IL1RAPL2: variants seen among roughly 807,000 people sequenced by gnomAD.
The protein encoded by IL1RAPL2 is X-linked interleukin-1 receptor accessory protein-like 2.
IL1RAPL2 carries 3 observed loss-of-function variants against 44.1 expected under a neutral mutation model. The ratio of observed to expected loss-of-function variants is 0.07; its 90% CI spans 0.03 to 0.18. IL1RAPL2 has a LOEUF of 0.18. Among genes scored for constraint, IL1RAPL2 ranks in the 10% least tolerant of loss-of-function variants. The pLI is 1.00. For synonymous variants in IL1RAPL2, 181 were observed against 178.8 expected (o/e 1.01, Z -0.10); for missense variants, 391 against 496.4 (o/e 0.79, Z 2.02).
chrX:104,632,108 C>T (rs1331015902), intron 1 of IL1RAPL2, among the ~76,000 whole-genome samples: 1 of 111,597 alleles, frequency 9.0e-6, no homozygotes, highest in Non-Finnish European at 1.9e-5. Flanking sequence ...GATTGTTTCC[C>T]CATTTCTTGT....
At chrX:104,996,225 G>A (rs1432201572) in intron 2 of IL1RAPL2, among the ~76,000 whole-genome samples, 2 of 111,807 alleles carry the variant, frequency 1.8e-5, no homozygotes, top group African/African-American at 6.5e-5. Context: ...CAGCAAACAT[G>A]TAATGAAGTC....
At chrX:104,805,122 G>A (rs1004003226) in intron 2 of IL1RAPL2, among the ~76,000 whole-genome samples, 1 of 111,507 alleles carries the variant, frequency 9.0e-6, no homozygotes, top group Admixed American at 9.5e-5. Flanking sequence ...TACAGTCATT[G>A]CCTATTCAGT....
intron 1 of IL1RAPL2, among the ~76,000 whole-genome samples, chrX:104,588,548 T>G (rs1013566786): frequency 2.7e-5 from 3 of 111,578 alleles, no homozygotes; most frequent in African/African-American, 9.8e-5. Context: ...TAAGTGTTGT[T>G]TACTCTCAGA....
chrX:105,759,787 C>T (rs2038671681), intron 10 of IL1RAPL2, among the ~76,000 whole-genome samples: 1 of 112,064 alleles, frequency 8.9e-6, no homozygotes, highest in Non-Finnish European at 1.9e-5. Context: ...CATCTGGTGT[C>T]AGATGATCCC....
intron 2 of IL1RAPL2, among the ~76,000 whole-genome samples, chrX:104,689,038 A>C (rs1931041697): frequency 8.9e-6 from 1 of 111,803 alleles, no homozygotes; most frequent in African/African-American, 3.3e-5. Context: ...AAGTTGGTCC[A>C]GAGACCCTGA....
At chrX:104,856,159 C>T (rs778771538) in intron 2 of IL1RAPL2, among the ~76,000 whole-genome samples, 6 of 111,731 alleles carry the variant, frequency 5.4e-5, no homozygotes, top group Non-Finnish European at 7.5e-5. Flanking sequence ...ATCATTCACA[C>T]GATTTTGGAA....
intron 2 of IL1RAPL2, among the ~76,000 whole-genome samples, chrX:105,158,225 C>T (rs868084049): frequency 1.0e-5 from 1 of 95,839 alleles, no homozygotes; most frequent in South Asian, 4.8e-4. Context: ...GGGTGTGGTG[C>T]GGGCGCCTGT....
chrX:105,566,474 C>T (rs1361236470), intron 6 of IL1RAPL2, among the ~76,000 whole-genome samples: 1 of 111,372 alleles, frequency 9.0e-6, no homozygotes, highest in Non-Finnish European at 1.9e-5. Flanking sequence ...ATTTCTTCAC[C>T]TTCTTTTTCT....
intron 2 of IL1RAPL2, among the ~76,000 whole-genome samples, chrX:104,932,553 A>G (rs1257353558): frequency 9.0e-6 from 1 of 111,603 alleles, no homozygotes; most frequent in Non-Finnish European, 1.9e-5. Context: ...GACTACAACA[A>G]TGGAAATAGT....
chrX:104,940,491 G>A (rs1011216771), intron 2 of IL1RAPL2, among the ~76,000 whole-genome samples: 2 of 111,464 alleles, frequency 1.8e-5, no homozygotes, highest in Non-Finnish European at 3.8e-5. Context: ...TAAAGTAAAT[G>A]CCCCACTAGA....
intron 2 of IL1RAPL2, among the ~76,000 whole-genome samples, chrX:105,181,375 G>T (rs782389281): frequency 7.2e-5 from 8 of 111,516 alleles, no homozygotes; most frequent in Admixed American, 6.7e-4. Flanking sequence ...GGCTTGGCTT[G>T]TTCTTGCTTT....
chrX:104,965,609 A>G (rs2030105041), intron 2 of IL1RAPL2, among the ~76,000 whole-genome samples: 1 of 111,709 alleles, frequency 9.0e-6, no homozygotes, highest in Non-Finnish European at 1.9e-5. Context: ...AGAAGAAACT[A>G]CAGAACAGCG....
intron 2 of IL1RAPL2, among the ~76,000 whole-genome samples, chrX:104,678,932 C>T (rs1164848254): frequency 9.0e-6 from 1 of 110,942 alleles, no homozygotes; most frequent in Admixed American, 9.6e-5. Context: ...TGTAACAAAC[C>T]TGCATGTTCT....
At chrX:104,788,857 G>A (rs970705074) in intron 2 of IL1RAPL2, among the ~76,000 whole-genome samples, 1 of 111,856 alleles carries the variant, frequency 8.9e-6, no homozygotes, top group African/African-American at 3.2e-5. Context: ...AGAAAAGCCT[G>A]TATTTGATTT....
intron 6 of IL1RAPL2, among the ~76,000 whole-genome samples, chrX:105,564,209 T>A (rs1393241964): frequency 9.0e-6 from 1 of 111,542 alleles, no homozygotes. Context: ...TACTATTATA[T>A]TGAAGATTAG....
chrX:105,332,337 A>G (rs2034993392), intron 5 of IL1RAPL2, among the ~76,000 whole-genome samples: 1 of 109,775 alleles, frequency 9.1e-6, no homozygotes, highest in Non-Finnish European at 1.9e-5. Context: ...GTGAACATGC[A>G]TTGCTCCTTC....
intron 2 of IL1RAPL2, among the ~76,000 whole-genome samples, chrX:105,076,313 T>G (rs1419341504): frequency 8.9e-6 from 1 of 111,830 alleles, no homozygotes; most frequent in Non-Finnish European, 1.9e-5. Flanking sequence ...CAGTAGTCAT[T>G]CAGGAGCAGG....
intron 2 of IL1RAPL2, among the ~76,000 whole-genome samples, chrX:105,080,805 G>A (rs1439808049): frequency 8.9e-6 from 1 of 111,808 alleles, no homozygotes; most frequent in Non-Finnish European, 1.9e-5. Flanking sequence ...AACTACTTTG[G>A]TCAGTATGGC....
intron 6 of IL1RAPL2, among the ~76,000 whole-genome samples, chrX:105,606,680 A>T: frequency 8.9e-6 from 1 of 112,116 alleles, no homozygotes; most frequent in Middle Eastern, 4.6e-3. Flanking sequence ...TGAATAGATA[A>T]TATCACATAT....
Sources: allele counts gnomAD v4.1 joint callset (sites outside exome capture counted in the v4.1 genomes callset), GRCh38; gene constraint gnomAD v4.1.1; transcripts MANE v1.5; gene names NCBI Gene and HGNC (gene_info 2026-07-23, HGNC 2026-07-21).